The following IQSEC1 variants were observed in gnomAD, a reference collection of about 807,000 sequenced individuals.
IQSEC1 encodes the protein IQ motif and Sec7 domain ArfGEF 1.
A neutral mutation model predicts 91.0 loss-of-function variants in IQSEC1; 31 were observed. The ratio of observed to expected loss-of-function variants is 0.34; its 90% confidence interval spans 0.26 to 0.46. The LOEUF (loss-of-function observed/expected upper bound fraction) is 0.46. IQSEC1 is among the 20% of genes least tolerant of loss of function. The probability of loss-of-function intolerance (pLI) is 1.00; values close to 1 mark genes in which losing one functional copy is unlikely to be tolerated. For synonymous variants in IQSEC1, 699 were observed against 662.6 expected, an observed-to-expected ratio of 1.05 and a Z score of -0.84; for missense variants, 1,388 against 1,575.6, an observed-to-expected ratio of 0.88 and a Z score of 2.02.
intron 1 of IQSEC1, among the ~76,000 whole-genome samples, chr3:13,229,733 G>A (rs1203206545): frequency 6.6e-6 from 1 of 152,186 alleles, no homozygotes; most frequent in Non-Finnish European, 1.5e-5. Context: ...TCCCCCTGCT[G>A]GGATGCTTAT....
chr3:13,096,851 CCTTT>C (rs796230602), intron 2 of IQSEC1, among the ~76,000 whole-genome samples: 124 of 140,924 alleles, frequency 8.8e-4, no homozygotes, highest in African/African-American at 3.1e-3. Flanking sequence ...CTCTCCTAGG[CCTTT>C]CTTTCTTTCT....
intron 12 of IQSEC1, among the ~76,000 whole-genome samples, chr3:12,904,118 C>T (rs1694695984): frequency 6.6e-6 from 1 of 152,258 alleles, no homozygotes; most frequent in South Asian, 2.1e-4. Context: ...CCAAGGCCAC[C>T]AGCCAGTGAC....
At chr3:13,251,430 T>G (rs1188733931) in intron 1 of IQSEC1, among the ~76,000 whole-genome samples, 1 of 152,016 alleles carries the variant, frequency 6.6e-6, no homozygotes, top group Non-Finnish European at 1.5e-5. Flanking sequence ...GCTCATAGAG[T>G]AGAAGCTCAA....
chr3:13,037,647 G>A (rs150511012), intron 1 of IQSEC1, among the ~76,000 whole-genome samples: 10 of 152,306 alleles, frequency 6.6e-5, no homozygotes, highest in South Asian at 2.1e-4. Context: ...TAAGCAAAAC[G>A]TGGTCCATAC....
intron 2 of IQSEC1, among the ~76,000 whole-genome samples, chr3:13,138,575 G>A (rs960338373): frequency 6.6e-6 from 1 of 152,154 alleles, no homozygotes; most frequent in Non-Finnish European, 1.5e-5. Context: ...CAGGCTCCCG[G>A]CAGCTTCGCT....
At chr3:12,995,553 C>A (rs1702195014) in intron 1 of IQSEC1, among the ~76,000 whole-genome samples, 3 of 152,218 alleles carry the variant, frequency 2.0e-5, no homozygotes, top group African/African-American at 4.8e-5. Context: ...ATTCACACAG[C>A]AGCTAAGGGG....
intron 1 of IQSEC1, among the ~76,000 whole-genome samples, chr3:13,262,914 A>G (rs914768689): frequency 1.3e-5 from 2 of 152,012 alleles, no homozygotes; most frequent in African/African-American, 2.4e-5. Context: ...TGAATGTTTA[A>G]CAGGGGCAGA....
At position 13,008,238 on chromosome 3, in the gene IQSEC1, G is replaced by A. The variant is rs940684675; in HGVS notation, c.23+64754C>T. Among the ~76,000 whole-genome samples, 1 of 151,350 alleles carries A rather than the reference G, an allele frequency of 6.6e-6. No homozygotes were observed. The highest frequency in any genetic ancestry group is 1.5e-5 in the Non-Finnish European group (1 of 67,344). ...TTGTCACCCTCCGTCTGGGGTCTGA[G>A]GCCAAGCTGGACACCTCTCCTTCCC... is the stretch of plus-strand genomic sequence containing the variant. On this transcript the variant is annotated intron_variant, in intron 1 of 13. Transcript: ENST00000613206. This position sits in a 1 kb window ranked among gnomAD's most constrained non-coding sequence, Gnocchi z 4.1.
chr3:12,941,963 C>T (rs1299421934), intron 1 of IQSEC1, 98 bp from the exon 2 acceptor site: 4 of 1,156,308 alleles, frequency 3.5e-6, no homozygotes, highest in Non-Finnish European at 4.8e-6. Flanking sequence ...CTGGAGGAGC[C>T]CCCATGCCCG....
chr3:13,235,686 TGTGGCAGCAAAG>T (rs1225773361), intron 1 of IQSEC1, among the ~76,000 whole-genome samples: 3 of 152,154 alleles, frequency 2.0e-5, no homozygotes, highest in African/African-American at 4.8e-5. Flanking sequence ...ACAAGATCCT[TGTGGCAGCAAAG>T]GTGGCAGCAA....
At chr3:13,027,084 G>T (rs137930445) in intron 1 of IQSEC1, among the ~76,000 whole-genome samples, 1 of 152,102 alleles carries the variant, frequency 6.6e-6, no homozygotes, top group Admixed American at 6.5e-5. Flanking sequence ...CACATACACC[G>T]AGTTGGCCGA....
intron 1 of IQSEC1, among the ~76,000 whole-genome samples, chr3:13,277,707 A>G (rs1359444326): frequency 6.6e-6 from 1 of 152,196 alleles, no homozygotes; most frequent in Admixed American, 6.5e-5. Context: ...CTGGGAGAAC[A>G]AGAACATTAT....
chr3:12,899,714 G>A lies in IQSEC1; in HGVS notation c.*1269C>T. ...CTGCTACCACTCAGAAAACAAAACG[G>A]GAAACACACACACCGCCCTGGGTTG... On this transcript the variant is annotated 3_prime_UTR_variant, in exon 14 of 14. Transcript: ENST00000613206. 1 of 985,348 alleles carries A rather than the reference G, an allele frequency of 1.0e-6. No individual in the cohort carries two copies. The highest frequency in any genetic ancestry group is 1.2e-6 in the Non-Finnish European group (1 of 829,904). The allele number at this position is 985,348 out of a possible 1,614,324, so 61.0% of individuals were successfully genotyped here. A position where few individuals can be genotyped will look rare whatever the true frequency, so the allele number is the denominator to read the frequency against.
Position 12,909,325 on chromosome 3 carries a change from G to A in IQSEC1, c.2526C>T (p.Asp842=), listed in dbSNP as rs773723801. The A allele has an allele frequency of 1.7e-5, 28 of 1,614,106 alleles. No individual in the cohort carries two copies. Among genetic ancestry groups the A allele is most frequent in the Non-Finnish European group, 2.2e-5 (26 of 1,180,046 alleles). Residue 842 remains aspartate, a synonymous_variant, in exon 11 of 14, where the codon GAC becomes GAT. Transcript: ENST00000613206. The surrounding 1 kb of genome is among the most constrained non-coding windows in gnomAD (Gnocchi z 4.9). ...NPQDRKKFTD[D]LRESIAEVQE... is the part of the protein sequence containing the mutation. Reference sequence around the variant, plus strand: ...GGACTTCCGCAATGGACTCCCGCAGGTCATCGGTGAATTTCTTCCGGTCTT... The same window carrying A: ...GGACTTCCGCAATGGACTCCCGCAGATCATCGGTGAATTTCTTCCGGTCTT...
At chr3:13,205,513 C>T (rs1694327361) in intron 1 of IQSEC1, among the ~76,000 whole-genome samples, 1 of 151,884 alleles carries the variant, frequency 6.6e-6, no homozygotes, top group Non-Finnish European at 1.5e-5. Flanking sequence ...CCTTCCTTCC[C>T]TCCCTCCCTC....
chr3:13,234,573 C>T (rs1576304714), intron 1 of IQSEC1, among the ~76,000 whole-genome samples: 1 of 152,120 alleles, frequency 6.6e-6, no homozygotes, highest in African/African-American at 2.4e-5. Flanking sequence ...GCTGCTGACA[C>T]TAATACCTAC....
At chr3:13,174,836 C>A (rs543064355) in intron 1 of IQSEC1, among the ~76,000 whole-genome samples, 234 of 130,958 alleles carry the variant, frequency 1.8e-3, no homozygotes, top group Non-Finnish European at 2.8e-3. Flanking sequence ...TTTCTGCTCC[C>A]CCCCCCCACC....
chr3:13,106,959 G>A (rs1371318104), intron 2 of IQSEC1, among the ~76,000 whole-genome samples: 1 of 152,208 alleles, frequency 6.6e-6, no homozygotes, highest in Non-Finnish European at 1.5e-5. Context: ...AGATTTTGTG[G>A]GAATGATGAA....
At chr3:13,212,514 C>T (rs1003392440) in intron 1 of IQSEC1, among the ~76,000 whole-genome samples, 1 of 152,220 alleles carries the variant, frequency 6.6e-6, no homozygotes, top group African/African-American at 2.4e-5. Context: ...GTTTTCATCT[C>T]TCCTGGGTAG....
Sources: allele counts gnomAD v4.1 joint callset (sites outside exome capture counted in the v4.1 genomes callset), GRCh38; gene constraint gnomAD v4.1.1; non-coding constraint Gnocchi (gnomAD v3.1); transcripts MANE v1.5; gene names NCBI Gene and HGNC (gene_info 2026-07-23, HGNC 2026-07-21).